BABAM2: variants seen among roughly 807,000 people sequenced by gnomAD.
BABAM2 encodes the protein BRISC and BRCA1-A complex member 2.
BABAM2 carries 31 observed loss-of-function variants against 54.7 expected under a neutral mutation model. The ratio of observed to expected loss-of-function variants is 0.57; its 90% CI spans 0.43 to 0.77. The LOEUF (loss-of-function observed/expected upper bound fraction) is 0.77. Among genes scored for constraint, BABAM2 ranks in the 30% least tolerant of loss-of-function variants. The pLI is 0.00. For missense variants in BABAM2, 364 were observed against 455.8 expected (o/e 0.80, Z 1.83); for synonymous variants, 167 against 162.9 (o/e 1.03, Z -0.19).
chr2:27,894,253 G>A (rs551932001), intron 1 of BABAM2, among the ~76,000 whole-genome samples: 3 of 152,256 alleles, frequency 2.0e-5, no homozygotes, highest in South Asian at 4.1e-4. Context: ...TTTGAGTAGA[G>A]TGTGGCAGTG....
intron 11 of BABAM2, among the ~76,000 whole-genome samples, chr2:28,334,158 G>A (rs970025971): frequency 6.6e-6 from 1 of 152,214 alleles, no homozygotes; most frequent in African/African-American, 2.4e-5. Flanking sequence ...GGAAAGCCCA[G>A]GACAGAACAG....
intron 10 of BABAM2, among the ~76,000 whole-genome samples, chr2:28,288,066 G>A (rs549867493): frequency 6.6e-6 from 1 of 152,296 alleles, no homozygotes; most frequent in South Asian, 2.1e-4. Flanking sequence ...AGTGAGCCCT[G>A]CTTGGGAGCA....
chr2:27,937,609 A>G (rs1483538773), intron 3 of BABAM2, among the ~76,000 whole-genome samples: 1 of 152,164 alleles, frequency 6.6e-6, no homozygotes, highest in East Asian at 1.9e-4. Flanking sequence ...GACCATTTAT[A>G]TGTCTTTTGA....
intron 10 of BABAM2, among the ~76,000 whole-genome samples, chr2:28,291,961 C>CAG (rs953070500): frequency 6.6e-6 from 1 of 152,214 alleles, no homozygotes; most frequent in Non-Finnish European, 1.5e-5. Context: ...AGATTGCTCT[C>CAG]AGGAACAATC....
intron 5 of BABAM2, among the ~76,000 whole-genome samples, chr2:28,026,877 T>TATATATAG (rs1558667389): frequency 2.0e-3 from 101 of 50,704 alleles, no homozygotes; most frequent in African/African-American, 8.4e-3. Flanking sequence ...TATATATTTA[T>TATATATAG]ATATATATAG....
chr2:28,170,269 A>G (rs1482469228), intron 7 of BABAM2, among the ~76,000 whole-genome samples: 1 of 152,060 alleles, frequency 6.6e-6, no homozygotes, highest in Non-Finnish European at 1.5e-5. Context: ...TTAAAAAGGA[A>G]ATCTGTATAT....
intron 3 of BABAM2, among the ~76,000 whole-genome samples, chr2:27,942,226 G>A (rs943171729): frequency 5.3e-5 from 8 of 152,192 alleles, no homozygotes; most frequent in African/African-American, 1.7e-4. Context: ...AACTGATGGC[G>A]CCTGGAGGAC....
At chr2:28,287,210 A>G (rs527616192) in intron 10 of BABAM2, among the ~76,000 whole-genome samples, 2 of 152,338 alleles carry the variant, frequency 1.3e-5, no homozygotes, top group East Asian at 3.8e-4. Context: ...CCCAATTTTT[A>G]AATGCTAAGG....
intron 6 of BABAM2, among the ~76,000 whole-genome samples, chr2:28,089,788 G>C (rs1239332083): frequency 6.6e-6 from 1 of 152,122 alleles, no homozygotes; most frequent in Non-Finnish European, 1.5e-5. Flanking sequence ...GTGCAGTAAA[G>C]TTAAATATGC....
intron 7 of BABAM2, among the ~76,000 whole-genome samples, chr2:28,171,860 G>A (rs554739637): frequency 1.4e-4 from 6 of 41,542 alleles, no homozygotes; most frequent in African/African-American, 3.6e-4. Flanking sequence ...TTTGTTCTTC[G>A]ATTTTAAAAT....
intron 7 of BABAM2, among the ~76,000 whole-genome samples, chr2:28,137,609 G>GA (rs1257588158): frequency 1.3e-5 from 2 of 152,264 alleles, no homozygotes; most frequent in African/African-American, 4.8e-5. Context: ...AGTTGGGGGA[G>GA]AAAATCAATC....
At chr2:28,148,416 G>A (rs1000477053) in intron 7 of BABAM2, among the ~76,000 whole-genome samples, 2 of 152,190 alleles carry the variant, frequency 1.3e-5, no homozygotes, top group African/African-American at 4.8e-5. Context: ...TCTGGAACGT[G>A]TTTTGCCATG....
intron 10 of BABAM2, among the ~76,000 whole-genome samples, chr2:28,280,200 A>G (rs1686235817): frequency 6.6e-6 from 1 of 151,832 alleles, no homozygotes; most frequent in Non-Finnish European, 1.5e-5. Context: ...CTGGGACTAC[A>G]GGCACAGGCC....
intron 2 of BABAM2, among the ~76,000 whole-genome samples, chr2:27,918,737 G>T (rs1667153947): frequency 6.6e-6 from 1 of 151,968 alleles, no homozygotes; most frequent in African/African-American, 2.4e-5. Context: ...GGCTCAGGCT[G>T]GAGAGCAGTG....
intron 11 of BABAM2, among the ~76,000 whole-genome samples, chr2:28,314,710 A>G (rs942228360): frequency 2.0e-5 from 3 of 152,242 alleles, no homozygotes; most frequent in Admixed American, 1.3e-4. Flanking sequence ...AGAATTGCAC[A>G]TAGATTCTTC....
chr2:28,191,672 A>G (rs150248282), intron 7 of BABAM2, among the ~76,000 whole-genome samples: 2,005 of 152,364 alleles, frequency 0.013, 29 homozygotes, highest in South Asian at 0.05. Context: ...TGTACTATTT[A>G]TATAATTATA....
At chr2:28,147,942 C>A (rs1253606152) in intron 7 of BABAM2, among the ~76,000 whole-genome samples, 1 of 152,144 alleles carries the variant, frequency 6.6e-6, no homozygotes, top group Non-Finnish European at 1.5e-5. Flanking sequence ...TACCTCCCTA[C>A]ATTTCATACA....
intron 6 of BABAM2, among the ~76,000 whole-genome samples, chr2:28,051,411 G>A (rs1677985017): frequency 1.3e-5 from 2 of 152,192 alleles, no homozygotes; most frequent in Admixed American, 1.3e-4. Context: ...ACTTGCCCAA[G>A]ACTGTGTTTA....
At chr2:28,123,193 G>A (rs906620779) in intron 6 of BABAM2, among the ~76,000 whole-genome samples, 2 of 151,986 alleles carry the variant, frequency 1.3e-5, no homozygotes, top group African/African-American at 2.4e-5. Context: ...AAATGAACAC[G>A]AAAATCTCCC....
Sources: allele counts gnomAD v4.1 joint callset (sites outside exome capture counted in the v4.1 genomes callset), GRCh38; gene constraint gnomAD v4.1.1; transcripts MANE v1.5; gene names NCBI Gene and HGNC (gene_info 2026-07-23, HGNC 2026-07-21).